The following NPC2 variants were observed in gnomAD, a reference collection of about 807,000 sequenced individuals.
NPC2 encodes Niemann-Pick disease type C2 protein.
A neutral mutation model predicts 17.0 loss-of-function variants in NPC2; 14 were observed. That is an observed-to-expected ratio of 0.82 (90% CI 0.54 to 1.29). The LOEUF is 1.29. NPC2 is among the 50% of genes most tolerant of loss of function. The pLI is 0.00. For synonymous variants in NPC2, 75 were observed against 69.3 expected (o/e 1.08, Z -0.41); for missense variants, 167 against 183.4 (o/e 0.91, Z 0.52).
At chr14:74,486,856 C>T (rs1286366533) in intron 1 of NPC2, among the ~76,000 whole-genome samples, 1 of 152,142 alleles carries the variant, frequency 6.6e-6, no homozygotes, top group East Asian at 1.9e-4. Flanking sequence ...TTTGCTTCAA[C>T]CTTCCTTTGG....
Position 74,484,426 on chromosome 14 carries a change from C to T in NPC2, c.352G>A (p.Glu118Lys), listed in dbSNP as rs80358266. Reference sequence around the variant, plus strand: ...ATGGTATCACTTACAGAGGGATATTCGCTTTTCACTGGTAGTTTATTCAGG... The same window carrying T: ...ATGGTATCACTTACAGAGGGATATTTGCTTTTCACTGGTAGTTTATTCAGG... Reference protein sequence around the residue: ...SYLNKLPVKSEYPSIKLVVEW... With the variant: ...SYLNKLPVKSKYPSIKLVVEW... The change falls in exon 3 of 5, where the codon GAA (glutamate) becomes AAA (lysine). Residue 118 changes from glutamate (E) to lysine (K), a missense_variant. Transcript: ENST00000555619. 2.2e-5 allele frequency: 36 copies of T among 1,613,972 alleles called. No individual in the cohort carries two copies. In the Admixed American group the frequency reaches 3.0e-4, roughly 13 times the overall value.
chr14:74,493,391 C>T (rs2086800455), upstream of NPC2: 1 of 1,546,500 alleles, frequency 6.5e-7, no homozygotes, highest in Non-Finnish European at 8.7e-7. The surrounding 1 kb of genome is among the most constrained non-coding windows in gnomAD (Gnocchi z 4.1). Context: ...CACCAGTAAC[C>T]ACAGCTGAGG....
chr14:74,480,451 A>G, intron 4 of NPC2, 163 bp from the exon 5 acceptor site: 2 of 781,068 alleles, frequency 2.6e-6, no homozygotes, highest in South Asian at 1.4e-5. Context: ...CAATGAAGAC[A>G]GTTAAATCAA....
chr14:74,484,179 G>A (rs2086684313), intron 3 of NPC2, among the ~76,000 whole-genome samples: 1 of 151,986 alleles, frequency 6.6e-6, no homozygotes, highest in Non-Finnish European at 1.5e-5. Flanking sequence ...AAAACAAATG[G>A]CATCATTAGG....
At chr14:74,482,682 C>T (rs2086667091) in intron 3 of NPC2, among the ~76,000 whole-genome samples, 1 of 152,156 alleles carries the variant, frequency 6.6e-6, no homozygotes, top group African/African-American at 2.4e-5. Flanking sequence ...TTATAAGACC[C>T]AGCTCAAAAC....
rs1221662658 is a variant in NPC2 at position 74,484,461 on chromosome 14, G to C, written c.317C>G (p.Thr106Ser). The C allele has an allele frequency of 1.2e-6, 2 of 1,613,946 alleles. No individual in the cohort carries two copies. Among genetic ancestry groups the C allele is most frequent in the Non-Finnish European group, 1.7e-6 (2 of 1,180,030 alleles). Reference protein sequence around the residue: ...GINCPIQKDKTYSYLNKLPVK... With the variant: ...GINCPIQKDKSYSYLNKLPVK... The stretch of plus-strand genomic sequence containing the variant: ...TGGTAGTTTATTCAGGTAGCTATAG[G>C]TCTTGTCTTTTTGGATAGGGCAGTT... The change falls in exon 3 of 5, where the codon ACC (threonine) becomes AGC (serine). Residue 106 changes from threonine (T) to serine (S), a missense_variant. Coordinates refer to ENST00000555619, the MANE Select transcript of NPC2 (RefSeq NM_006432.5).
Position 74,484,396 on chromosome 14 carries a change from CAAT to C in NPC2, c.363+16_363+18del, listed in dbSNP as rs747880187. ...CCAGTCCCAAGGCCTCCCGTGTCCTCAATAATGGTATCACTTACAGAGGGATAT... is the reference window on the plus strand; with the variant it reads ...CCAGTCCCAAGGCCTCCCGTGTCCTCAATGGTATCACTTACAGAGGGATAT... On this transcript the variant is annotated intron_variant, in intron 3 of 4. Coordinates refer to ENST00000555619, the MANE Select transcript of NPC2 (RefSeq NM_006432.5). The C allele has an allele frequency of 5.6e-6, 9 of 1,613,836 alleles. No individual in the cohort carries two copies. In the Admixed American group the frequency reaches 1.5e-4, roughly 27 times the overall value.
chr14:74,480,737 G>C lies in NPC2; in HGVS notation c.406C>G (p.Gln136Glu), dbSNP rs2086648005. ...GGGATTTCCCAGCAGAAGAGACTTT[G>C]GTTTTTGTCATCCTGAAGTTGCCAC... ...VEWQLQDDKNQSLFCWEIPVQ... is the reference protein window; with the variant it reads ...VEWQLQDDKNESLFCWEIPVQ... The change falls in exon 4 of 5, where the codon CAA becomes GAA. Residue 136 changes from glutamine to glutamate, a missense_variant. Physicochemically the swap from Gln to Glu is conservative, Grantham distance 29 (BLOSUM62 2). Coordinates refer to ENST00000555619, the MANE Select transcript of NPC2 (RefSeq NM_006432.5). The C allele has an allele frequency of 6.2e-7, 1 of 1,614,034 alleles. No individual in the cohort carries two copies. The highest frequency in any genetic ancestry group is 8.5e-7 in the Non-Finnish European group (1 of 1,179,952).
chr14:74,486,752 T>G (rs1419587341), intron 1 of NPC2, among the ~76,000 whole-genome samples: 2 of 152,208 alleles, frequency 1.3e-5, no homozygotes, highest in African/African-American at 4.8e-5. Context: ...TTAAAGGAAT[T>G]AAACTTCAAT....
At chr14:74,491,512 C>A (rs1465440709) in intron 1 of NPC2, among the ~76,000 whole-genome samples, 1 of 152,208 alleles carries the variant, frequency 6.6e-6, no homozygotes, top group Non-Finnish European at 1.5e-5. Flanking sequence ...AAGTGTTAAT[C>A]GGCCAGCACT....
At position 74,484,395 on chromosome 14, in the gene NPC2, T is replaced by C; in HGVS notation, c.363+20A>G. ...TCCAGTCCCAAGGCCTCCCGTGTCC[T>C]CAATAATGGTATCACTTACAGAGGG... On this transcript the variant is annotated intron_variant, in intron 3 of 4. Transcript: ENST00000555619. The C allele has an allele frequency of 6.2e-7, 1 of 1,613,852 alleles. No homozygotes were observed. The highest frequency in any genetic ancestry group is 1.1e-5 in the South Asian group (1 of 91,062).
At chr14:74,485,890 T>C (rs2086707502) in intron 2 of NPC2, among the ~76,000 whole-genome samples, 1 of 152,174 alleles carries the variant, frequency 6.6e-6, no homozygotes, top group South Asian at 2.1e-4. Context: ...TAAGTATTAG[T>C]TGCACCTTTA....
At position 74,493,221 on chromosome 14, in the gene NPC2, C is replaced by T. The variant is rs1222812540; in HGVS notation, c.54G>A (p.Gln18=). 2 of 1,612,734 alleles carry T rather than the reference C, an allele frequency of 1.2e-6. No individual in the cohort carries two copies. The highest frequency in any genetic ancestry group is 1.7e-5 in the Admixed American group (1 of 59,936). ...FLLLALSTAA[Q]AEPVQFKDCG... is the part of the protein sequence containing the mutation. ...AGTCCTTGAACTGCACCGGTTCGGC[C>T]TGGGCAGCGGTGCTGAGCGCCAGGA... The change falls in exon 1 of 5, where the codon CAG becomes CAA. Residue 18 remains glutamine, a synonymous_variant. Coordinates refer to ENST00000555619, the MANE Select transcript of NPC2 (RefSeq NM_006432.5). The surrounding 1 kb of genome is among the most constrained non-coding windows in gnomAD (Gnocchi z 4.1).
chr14:74,490,867 C>G (rs1315439704), intron 1 of NPC2, among the ~76,000 whole-genome samples: 1 of 152,178 alleles, frequency 6.6e-6, no homozygotes, highest in African/African-American at 2.4e-5. Flanking sequence ...CCTTTAAAAG[C>G]TTCTTCCCAT....
intron 2 of NPC2, among the ~76,000 whole-genome samples, chr14:74,485,281 C>T (rs1287540869): frequency 2.1e-5 from 2 of 94,942 alleles, no homozygotes; most frequent in Non-Finnish European, 3.5e-5. Flanking sequence ...GGTGACAGAG[C>T]GAGACTCTGT....
At chr14:74,491,198 G>A (rs568826905) in intron 1 of NPC2, among the ~76,000 whole-genome samples, 48 of 152,144 alleles carry the variant, frequency 3.2e-4, no homozygotes, top group African/African-American at 9.4e-4. Context: ...TCAGCCTCCC[G>A]AGTAGCTGGG....
intron 1 of NPC2, 107 bp from the exon 2 acceptor site, chr14:74,486,543 C>T: frequency 2.4e-6 from 2 of 820,952 alleles, no homozygotes; most frequent in East Asian, 2.7e-5. Flanking sequence ...TTAGGGTCAA[C>T]TCATTCTCCT....
chr14:74,485,789 A>G (rs192921652), intron 2 of NPC2, among the ~76,000 whole-genome samples: 3 of 152,354 alleles, frequency 2.0e-5, no homozygotes, highest in East Asian at 1.9e-4. Context: ...AAAAGTTCCA[A>G]TGATATTTCT....
chr14:74,489,061 G>T (rs2086743239), intron 1 of NPC2, among the ~76,000 whole-genome samples: 3 of 152,230 alleles, frequency 2.0e-5, no homozygotes, highest in Admixed American at 2.0e-4. Context: ...TTTTTTCCAA[G>T]AATCAAGGGG....
Sources: allele counts gnomAD v4.1 joint callset (sites outside exome capture counted in the v4.1 genomes callset), GRCh38; gene constraint gnomAD v4.1.1; non-coding constraint Gnocchi (gnomAD v3.1); transcripts MANE v1.5; gene names NCBI Gene and HGNC (gene_info 2026-07-23, HGNC 2026-07-21).